The following SHCBP1 variants were observed in gnomAD, a reference collection of about 807,000 sequenced individuals.
The protein encoded by SHCBP1 is SHC binding and spindle associated 1, also known as SHC SH2 domain-binding protein 1.
SHCBP1 carries 60 observed loss-of-function variants against 75.1 expected under a neutral mutation model. The observed-to-expected ratio is 0.80, with a 90% CI of 0.65 to 0.99. The LOEUF (loss-of-function observed/expected upper bound fraction) is 0.99, where lower values mean the gene tolerates loss of function less well. Ranked by LOEUF, SHCBP1 falls within the 50% of genes least tolerant of loss-of-function variation. SHCBP1 has a pLI of 0.00. For synonymous variants in SHCBP1, 290 were observed against 293.2 expected (o/e 0.99, Z 0.11); for missense variants, 709 against 809.4 (o/e 0.88, Z 1.50).
At chr16:46,590,249 T>TA (rs1965022647) in intron 10 of SHCBP1, among the ~76,000 whole-genome samples, 1 of 152,150 alleles carries the variant, frequency 6.6e-6, no homozygotes, top group African/African-American at 2.4e-5. Context: ...ATTCAGGACA[T>TA]ACGCATGGCA....
chr16:46,593,959 C>CA (rs1965092020), intron 10 of SHCBP1, among the ~76,000 whole-genome samples: 1 of 151,374 alleles, frequency 6.6e-6, no homozygotes, highest in Admixed American at 6.6e-5. Context: ...TTGAAAAAAA[C>CA]AAAGTAGGAG....
At chr16:46,621,127 G>T in intron 1 of SHCBP1, 130 bp downstream of exon 1, 1 of 764,680 alleles carries the variant, frequency 1.3e-6, no homozygotes. Context: ...GGTCCCGGCC[G>T]CGCACCGCCG....
intron 9 of SHCBP1, among the ~76,000 whole-genome samples, 162 bp downstream of exon 9, chr16:46,599,669 T>TAA (rs1555519115): frequency 4.3e-5 from 1 of 23,136 alleles, no homozygotes; most frequent in Non-Finnish European, 7.3e-5. Flanking sequence ...CTTCAATTTG[T>TAA]AAAAAAAAAA....
intron 10 of SHCBP1, among the ~76,000 whole-genome samples, chr16:46,585,547 G>A (rs1186535634): frequency 2.0e-5 from 3 of 152,108 alleles, no homozygotes; most frequent in Non-Finnish European, 4.4e-5. Context: ...CTAACGAAAG[G>A]ACTAGGCAAC....
chr16:46,587,978 T>G (rs1964979307), intron 10 of SHCBP1, among the ~76,000 whole-genome samples: 1 of 152,158 alleles, frequency 6.6e-6, no homozygotes, highest in Non-Finnish European at 1.5e-5. Flanking sequence ...CAGACCACAG[T>G]GCAATCAAAC....
chr16:46,585,268 T>C (rs575222448), intron 10 of SHCBP1, among the ~76,000 whole-genome samples: 1 of 152,246 alleles, frequency 6.6e-6, no homozygotes, highest in Admixed American at 6.5e-5. Flanking sequence ...AAAAAGTAAC[T>C]GAGGAGCCTG....
intron 8 of SHCBP1, among the ~76,000 whole-genome samples, chr16:46,600,726 A>G (rs1340552686): frequency 6.6e-6 from 1 of 152,216 alleles, no homozygotes; most frequent in Non-Finnish European, 1.5e-5. Flanking sequence ...AAAGCATCAG[A>G]TCAAGGCTGG....
intron 1 of SHCBP1, 116 bp downstream of exon 1, chr16:46,621,141 C>T (rs770157631): frequency 9.7e-5 from 91 of 936,074 alleles, no homozygotes; most frequent in African/African-American, 1.4e-4. Flanking sequence ...ACCGCCGTTC[C>T]CGCCACCCTG....
chr16:46,583,778 G>T, intron 11 of SHCBP1, 121 bp from the exon 12 acceptor site: 1 of 1,207,276 alleles, frequency 8.3e-7, no homozygotes. Flanking sequence ...GTCCCATGTT[G>T]TAGCACAGTC....
Position 46,615,996 on chromosome 16 carries a change from A to G in SHCBP1, c.546T>C (p.Phe182=), listed in dbSNP as rs376254299. The G allele has an allele frequency of 8.9e-5, 143 of 1,614,004 alleles. No homozygotes were observed. The highest frequency in any genetic ancestry group is 1.1e-4 in the Non-Finnish European group (127 of 1,180,026). Residue 182 remains phenylalanine (F), a synonymous_variant, in exon 4 of 13, where the codon TTT becomes TTC. Transcript: ENST00000303383. ...RLPLQELWVV[F]DDSGVFDQTA... is the part of the protein sequence containing the mutation. ...TCTGGTCAAACACTCCTGAATCATC[A>G]AACACCACCCACAGCTCCTGCAGGG...
At chr16:46,585,332 A>G (rs1208772451) in intron 10 of SHCBP1, among the ~76,000 whole-genome samples, 1 of 152,130 alleles carries the variant, frequency 6.6e-6, no homozygotes, top group African/African-American at 2.4e-5. Flanking sequence ...AGGTACGACC[A>G]AAAACCATGG....
chr16:46,602,531 T>A (rs1372765335), intron 8 of SHCBP1, among the ~76,000 whole-genome samples: 2 of 152,220 alleles, frequency 1.3e-5, no homozygotes, highest in Non-Finnish European at 2.9e-5. Flanking sequence ...CAGGTGTAAC[T>A]AAATTTGACA....
intron 4 of SHCBP1, among the ~76,000 whole-genome samples, chr16:46,612,392 C>A (rs1383723401): frequency 6.6e-6 from 1 of 152,172 alleles, no homozygotes; most frequent in Non-Finnish European, 1.5e-5. Context: ...AAAGGAAGCA[C>A]TGAAAATGAA....
At chr16:46,595,691 G>A (rs753649292) in intron 9 of SHCBP1, 21 bp from the exon 10 acceptor site, 2 of 1,576,658 alleles carry the variant, frequency 1.3e-6, no homozygotes, top group Non-Finnish European at 8.7e-7. Flanking sequence ...AATACACGCT[G>A]ACTGTTTTAA....
At chr16:46,607,547 G>A (rs1359305779) in intron 5 of SHCBP1, among the ~76,000 whole-genome samples, 2 of 151,868 alleles carry the variant, frequency 1.3e-5, no homozygotes, top group Non-Finnish European at 2.9e-5. Context: ...TTTCACACAG[G>A]GGAAAAAAAT....
chr16:46,620,859 C>T (rs1393000152), intron 1 of SHCBP1: 2 of 167,460 alleles, frequency 1.2e-5, no homozygotes, highest in African/African-American at 4.8e-5. Context: ...AGGGTTCAAG[C>T]TTTTCTCTTC....
chr16:46,602,038 C>CA (rs1229215885), intron 8 of SHCBP1, among the ~76,000 whole-genome samples: 1 of 152,176 alleles, frequency 6.6e-6, no homozygotes, highest in African/African-American at 2.4e-5. Flanking sequence ...CCCCAATTCT[C>CA]AGACCCATAC....
At chr16:46,589,695 T>G (rs1965010802) in intron 10 of SHCBP1, among the ~76,000 whole-genome samples, 2 of 152,146 alleles carry the variant, frequency 1.3e-5, no homozygotes, top group African/African-American at 4.8e-5. Flanking sequence ...GGAAGAACAT[T>G]CCATGCTCAT....
At chr16:46,607,288 G>A (rs1196307258) in intron 5 of SHCBP1, among the ~76,000 whole-genome samples, 1 of 152,158 alleles carries the variant, frequency 6.6e-6, no homozygotes, top group Non-Finnish European at 1.5e-5. Context: ...CCAGGAGATT[G>A]AGGCTGCAGT....
Sources: allele counts gnomAD v4.1 joint callset (sites outside exome capture counted in the v4.1 genomes callset), GRCh38; gene constraint gnomAD v4.1.1; transcripts MANE v1.5; gene names NCBI Gene and HGNC (gene_info 2026-07-23, HGNC 2026-07-21).